Variants in ZNF234 observed in about 807,000 individuals in gnomAD.
ZNF234 encodes the protein C2-H2 type zinc finger protein.
A neutral mutation model predicts 10.3 loss-of-function variants in ZNF234; 4 were observed. The observed-to-expected ratio is 0.39, with a 90% CI of 0.19 to 0.89. ZNF234 has a LOEUF of 0.89. Ranked by LOEUF, ZNF234 falls within the 40% of genes least tolerant of loss-of-function variation. ZNF234 has a pLI of 0.38. For missense variants in ZNF234, 711 were observed against 836.1 expected (o/e 0.85, Z 1.85); for synonymous variants, 258 against 280.1 (o/e 0.92, Z 0.79).
At position 44,156,571 on chromosome 19, in the gene ZNF234, C is replaced by T; in HGVS notation, c.555C>T (p.Phe185=). Residue 185 remains phenylalanine, a synonymous_variant, in exon 6 of 6, where the codon TTC becomes TTT. Transcript: ENST00000426739. ...SHTCDECGKS[F]CYISALHIHQ... ...CATGTGATGAGTGTGGAAAAAGCTT[C>T]TGTTACATCTCAGCCCTTCATATTC... The T allele has an allele frequency of 1.2e-6, 2 of 1,614,186 alleles. No individual in the cohort carries two copies. The highest frequency in any genetic ancestry group is 1.7e-6 in the Non-Finnish European group (2 of 1,180,024).
At position 44,156,760 on chromosome 19, in the gene ZNF234, T is replaced by C. The variant is rs1349532585; in HGVS notation, c.744T>C (p.Thr248=). ...GKGFSRRSTL[T]VHCKLHSGEK... The stretch of plus-strand genomic sequence containing the variant: ...GCTTCAGTCGTAGATCAACACTTAC[T>C]GTACATTGCAAATTACACTCAGGAG... Residue 248 remains threonine, a synonymous_variant, in exon 6 of 6, where the codon ACT becomes ACC. Transcript: ENST00000426739. The C allele has an allele frequency of 1.2e-6, 2 of 1,613,594 alleles. No individual in the cohort carries two copies. Among genetic ancestry groups the C allele is most frequent in the African/African-American group, 1.3e-5 (1 of 75,046 alleles).
Position 44,156,739 on chromosome 19 carries a change from C to T in ZNF234, c.723C>T (p.Phe241=), listed in dbSNP as rs1158952630. 1.2e-6 allele frequency: 2 copies of T among 1,614,040 alleles called. No homozygotes were observed. The highest frequency in any genetic ancestry group is 1.7e-6 in the Non-Finnish European group (2 of 1,179,952). ...AATGTGTGGAATGTGGGAAAGGCTT[C>T]AGTCGTAGATCAACACTTACTGTAC... The part of the protein sequence containing the change: ...PFKCVECGKG[F]SRRSTLTVHC... The change falls in exon 6 of 6, where the codon TTC becomes TTT. Residue 241 remains phenylalanine (F), a synonymous_variant. Transcript: ENST00000426739.
chr19:44,156,065 C>T (rs1186459823), intron 5 of ZNF234, among the ~76,000 whole-genome samples, 187 bp from the exon 6 acceptor site: 3 of 152,192 alleles, frequency 2.0e-5, no homozygotes, highest in Non-Finnish European at 4.4e-5. Flanking sequence ...TGGTAGATAG[C>T]AGCCAATTGG....
intron 3 of ZNF234, chr19:44,148,549 C>T (rs1438690334): frequency 8.1e-6 from 5 of 620,480 alleles, no homozygotes; most frequent in African/African-American, 3.6e-5. Context: ...TCAGTGAAGC[C>T]ACAAAGGAAT....
chr19:44,157,828 C>T lies in ZNF234; in HGVS notation c.1812C>T (p.His604=). The change falls in exon 6 of 6, where the codon CAC becomes CAT. Residue 604 remains histidine, a synonymous_variant. Coordinates refer to ENST00000426739, the MANE Select transcript of ZNF234 (RefSeq NM_006630.3). ...ATACATGTGGGGAGTGTGGGAAGCA[C>T]TTCAGTCAGGCCTCAAGTCTCCAAC... The part of the protein sequence containing the change: ...KPYTCGECGK[H]FSQASSLQLH... 2 of 1,613,860 alleles carry T rather than the reference C, an allele frequency of 1.2e-6. No individual in the cohort carries two copies. The highest frequency in any genetic ancestry group is 1.7e-6 in the Non-Finnish European group (2 of 1,179,974).
intron 5 of ZNF234, among the ~76,000 whole-genome samples, chr19:44,155,978 G>C (rs1042584555): frequency 6.6e-5 from 10 of 152,126 alleles, no homozygotes; most frequent in Non-Finnish European, 1.5e-4. Context: ...AGTACAATTT[G>C]TATCATGTTA....
At position 44,145,620 on chromosome 19, in the gene ZNF234, AACCTCAGATGATCCACCT is replaced by A. The variant is rs548038130; in HGVS notation, c.15+974_15+991del. Among the ~76,000 whole-genome samples the A allele has an allele frequency of 2.4e-3, 361 of 152,240 alleles. 3 individuals are homozygous for A. The highest frequency in any genetic ancestry group is 0.01 in the Middle Eastern group (3 of 294). On this transcript the variant is annotated intron_variant, in intron 3 of 5. Coordinates refer to ENST00000426739, the MANE Select transcript of ZNF234 (RefSeq NM_006630.3). Reference sequence around the variant, plus strand: ...TTAGTCAGGCTAGTCTCGAACTCCTAACCTCAGATGATCCACCTGCCTTGGCCTCCCAAAGTGCCGGGA... The same window carrying A: ...TTAGTCAGGCTAGTCTCGAACTCCTAGCCTTGGCCTCCCAAAGTGCCGGGA...
rs536820551 is a variant in ZNF234 at position 44,158,977 on chromosome 19, C to T, written c.*858C>T. 5.7e-4 allele frequency: 87 copies of T among 152,136 alleles called. 2 individuals carry two copies. The highest frequency in any genetic ancestry group is 5.5e-4 in the African/African-American group (23 of 41,502). 9.4% of individuals were successfully genotyped at this position (152,136 alleles called of 1,614,324 possible). A position where few individuals can be genotyped will look rare whatever the true frequency, so the allele number is the denominator to read the frequency against. On this transcript the variant is annotated 3_prime_UTR_variant, in exon 6 of 6. Coordinates refer to ENST00000426739, the MANE Select transcript of ZNF234 (RefSeq NM_006630.3). ...CATTGTATCCAAAGGAAGAAACCTG[C>T]GAAATAAAATTATTTGCAGAAATGA...
At chr19:44,149,389 A>T (rs1049495472) in intron 4 of ZNF234, among the ~76,000 whole-genome samples, 2 of 152,196 alleles carry the variant, frequency 1.3e-5, no homozygotes, top group Non-Finnish European at 2.9e-5. Context: ...CAGAGGTTGT[A>T]GTGAGCCTAG....
intron 5 of ZNF234, among the ~76,000 whole-genome samples, chr19:44,154,310 CT>C (rs58652062): frequency 0.49 from 72,492 of 148,780 alleles, 19,150 homozygotes; most frequent in African/African-American, 0.73. Context: ...TTCTTTTTCA[CT>C]TTTTTTTTTT....
Position 44,156,242 on chromosome 19 carries a change from G to A in ZNF234, c.236-10G>A. 1 of 1,531,276 alleles carries A rather than the reference G, an allele frequency of 6.5e-7. No homozygotes were observed. The highest frequency in any genetic ancestry group is 8.7e-7 in the Non-Finnish European group (1 of 1,144,340). The allele number at this position is 1,531,276 out of a possible 1,614,324, so 94.9% of individuals were successfully genotyped here. On this transcript the variant is annotated splice_polypyrimidine_tract_variant and intron_variant, in intron 5 of 5. Coordinates refer to ENST00000426739, the MANE Select transcript of ZNF234 (RefSeq NM_006630.3). ...GAGCCTCCACATCTCTGAATTCTCT[G>A]TCCTTACAGCAGACAAGATCCAAAG...
chr19:44,145,746 A>G (rs2147605268), intron 3 of ZNF234, among the ~76,000 whole-genome samples: 1 of 152,378 alleles, frequency 6.6e-6, no homozygotes. Flanking sequence ...GCTGCTTCAC[A>G]CAAATAATAT....
intron 3 of ZNF234, among the ~76,000 whole-genome samples, chr19:44,146,807 T>C (rs1004659412): frequency 2.6e-3 from 7 of 2,688 alleles, no homozygotes. Flanking sequence ...TCTCTCTCTC[T>C]TTTTTTTTTT....
rs1968996833 is a variant in ZNF234, at chr19:44,160,050, T to C, written c.*1931T>C. 1 of 151,326 alleles carries C rather than the reference T, an allele frequency of 6.6e-6. No homozygotes were observed. Among genetic ancestry groups the C allele is most frequent in the African/African-American group, 2.4e-5 (1 of 41,160 alleles). 9.4% of individuals were successfully genotyped at this position (151,326 alleles called of 1,614,324 possible). ...CCGTCTCAAAAAAAAAAAAAAAAACTTCTGAGGTAGGGGCTGTACCATATT... is the reference window on the plus strand; with the variant it reads ...CCGTCTCAAAAAAAAAAAAAAAAACCTCTGAGGTAGGGGCTGTACCATATT... On this transcript the variant is annotated 3_prime_UTR_variant, in exon 6 of 6. Transcript: ENST00000426739.
chr19:44,157,650 G>A lies in ZNF234; in HGVS notation c.1634G>A (p.Cys545Tyr), dbSNP rs1429621274. The A allele has an allele frequency of 2.5e-6, 4 of 1,613,978 alleles. No individual in the cohort carries two copies. In the African/African-American group the frequency reaches 4.0e-5, roughly 16 times the overall value. ...GAAAAACCATTTAAATGTGAAGAGT[G>A]TGGGAAGAGCTTCAGTCGGAGTGCA... ...SGEKPFKCEECGKSFSRSAHL... is the reference protein window; with the variant it reads ...SGEKPFKCEEYGKSFSRSAHL... Residue 545 changes from cysteine (C) to tyrosine (Y), a missense_variant, in exon 6 of 6, where the codon TGT becomes TAT. Physicochemically the swap from Cys to Tyr is radical, Grantham distance 194. Transcript: ENST00000426739.
intron 2 of ZNF234, among the ~76,000 whole-genome samples, chr19:44,143,685 G>A (rs1029092367): frequency 1.1e-4 from 17 of 151,618 alleles, no homozygotes; most frequent in East Asian, 1.9e-4. Flanking sequence ...GGTAGTGCGC[G>A]CCTGTAATCC....
At chr19:44,151,158 A>C (rs768827144) in intron 5 of ZNF234, among the ~76,000 whole-genome samples, 1 of 151,870 alleles carries the variant, frequency 6.6e-6, no homozygotes, top group Non-Finnish European at 1.5e-5. Flanking sequence ...CATCTCCTGT[A>C]TTCTACCTCT....
intron 5 of ZNF234, among the ~76,000 whole-genome samples, chr19:44,153,513 A>C (rs545230972): frequency 2.6e-5 from 4 of 152,180 alleles, no homozygotes; most frequent in African/African-American, 9.6e-5. Flanking sequence ...CAAGCTTTTA[A>C]ATTTATTTCA....
In ZNF234 at chr19:44,158,127, A is replaced by AG. The variant is rs1467003716; in HGVS notation, c.*8_*9insG. On this transcript the variant is annotated 3_prime_UTR_variant, in exon 6 of 6. Transcript: ENST00000426739. ...GGAAGTTCTACAAGGTGATTAAAAA[A>AG]AAAAAAACAGAACTCATGTACAACC... is the stretch of plus-strand genomic sequence containing the variant. 2 of 1,584,796 alleles carry AG rather than the reference A, an allele frequency of 1.3e-6. No individual in the cohort carries two copies. Among genetic ancestry groups the AG allele is most frequent in the Non-Finnish European group, 1.7e-6 (2 of 1,172,844 alleles).
Sources: allele counts gnomAD v4.1 joint callset (sites outside exome capture counted in the v4.1 genomes callset), GRCh38; gene constraint gnomAD v4.1.1; transcripts MANE v1.5; gene names NCBI Gene and HGNC (gene_info 2026-07-23, HGNC 2026-07-21).